MMRN1: variants seen among roughly 807,000 people sequenced by gnomAD.
The protein encoded by MMRN1 is multimerin 1, also known as multimerin-1.
A neutral mutation model predicts 100.7 loss-of-function variants in MMRN1; 94 were observed. The observed-to-expected ratio is 0.93, with a 90% CI of 0.79 to 1.11. MMRN1 has a LOEUF of 1.11. Among genes scored for constraint, MMRN1 ranks in the 50% least tolerant of loss-of-function variants. The pLI is 0.00. For synonymous variants in MMRN1, 575 were observed against 505.0 expected, an observed-to-expected ratio of 1.14 and a Z score of -1.86; for missense variants, 1,606 against 1,439.1, an observed-to-expected ratio of 1.12 and a Z score of -1.88.
intron 1 of MMRN1, among the ~76,000 whole-genome samples, chr4:89,899,988 G>A (rs995390173): frequency 6.6e-6 from 1 of 151,968 alleles, no homozygotes; most frequent in African/African-American, 2.4e-5. Flanking sequence ...TATTGTAAGT[G>A]ACACATTATT....
intron 2 of MMRN1, among the ~76,000 whole-genome samples, chr4:89,910,789 C>T (rs945511601): frequency 1.3e-5 from 2 of 151,354 alleles, no homozygotes; most frequent in African/African-American, 4.8e-5. Flanking sequence ...TTGCAACTGA[C>T]AAATAGCCTC....
chr4:89,932,431 A>C (rs1722470392), intron 5 of MMRN1, among the ~76,000 whole-genome samples: 1 of 152,200 alleles, frequency 6.6e-6, no homozygotes, highest in Non-Finnish European at 1.5e-5. Context: ...CCCTCTTCTC[A>C]CAGCTCCACT....
Position 89,953,248 on chromosome 4 carries a change from G to C in MMRN1, c.3517G>C (p.Glu1173Gln). The change falls in exon 8 of 8, where the codon GAG (glutamate) becomes CAG (glutamine). Residue 1173 changes from glutamate to glutamine, a missense_variant. Glu to Gln is a conservative substitution (Grantham distance 29, BLOSUM62 2). Transcript: ENST00000264790. The stretch of plus-strand genomic sequence containing the variant: ...TGATGGAATAGACAAGCTTGCATTT[G>C]AGTCTGAAAATATTAACAGTGAAAT... ...VVDGIDKLAFESENINSEIHC... is the reference protein window; with the variant it reads ...VVDGIDKLAFQSENINSEIHC... 2.5e-6 allele frequency: 4 copies of C among 1,613,840 alleles called. No individual in the cohort carries two copies. Among genetic ancestry groups the C allele is most frequent in the Middle Eastern group, 1.7e-4 (1 of 6,056 alleles).
At chr4:89,897,189 C>CT (rs1267527465) in intron 1 of MMRN1, among the ~76,000 whole-genome samples, 5 of 151,496 alleles carry the variant, frequency 3.3e-5, no homozygotes, top group African/African-American at 1.2e-4. Context: ...CGATTGTGAG[C>CT]TTTTCAGAGA....
In MMRN1 at chr4:89,900,836, T is replaced by G. The variant is rs139905445; in HGVS notation, c.623+5242T>G. 3.9e-3 allele frequency among the ~76,000 whole-genome samples: 596 copies of G among 152,128 alleles called. 8 individuals are homozygous for G. The highest frequency in any genetic ancestry group is 0.014 in the African/African-American group (574 of 41,538). ...ATGATACTGAAAGAAAGAAGGACCT[T>G]GAATTATGAACGGAGAATCTCTAAT... is the stretch of plus-strand genomic sequence containing the variant. On this transcript the variant is annotated intron_variant, in intron 1 of 7. Coordinates refer to ENST00000264790, the MANE Select transcript of MMRN1 (RefSeq NM_007351.3).
chr4:89,884,845 C>G (rs1023494677), intron 1 of MMRN1, among the ~76,000 whole-genome samples: 1 of 152,152 alleles, frequency 6.6e-6, no homozygotes, highest in Non-Finnish European at 1.5e-5. Flanking sequence ...ATTTTCCTTT[C>G]CAGTCATCCT....
chr4:89,925,091 T>G (rs1578486511), intron 4 of MMRN1, among the ~76,000 whole-genome samples: 1 of 152,012 alleles, frequency 6.6e-6, no homozygotes, highest in African/African-American at 2.4e-5. Context: ...CATTGTGCTA[T>G]TAAATAGTAG....
At chr4:89,941,101 T>C (rs79997699) in intron 6 of MMRN1, among the ~76,000 whole-genome samples, 4,454 of 152,298 alleles carry the variant, frequency 0.029, 202 homozygotes, top group African/African-American at 0.099. Flanking sequence ...TATTATAAAA[T>C]ATTTTCAAAT....
intron 1 of MMRN1, among the ~76,000 whole-genome samples, chr4:89,900,695 ACT>A (rs1404268278): frequency 6.6e-6 from 1 of 151,980 alleles, no homozygotes; most frequent in Non-Finnish European, 1.5e-5. Flanking sequence ...GCTCAATAAA[ACT>A]CTGTAAAATC....
At chr4:89,942,401 A>G (rs182211016) in intron 6 of MMRN1, among the ~76,000 whole-genome samples, 31 of 152,332 alleles carry the variant, frequency 2.0e-4, no homozygotes, top group Middle Eastern at 3.4e-3. Flanking sequence ...GGAAGGTGGC[A>G]GGATTATTAA....
intron 1 of MMRN1, among the ~76,000 whole-genome samples, chr4:89,886,604 A>C (rs1720941711): frequency 6.6e-6 from 1 of 152,126 alleles, no homozygotes. Flanking sequence ...GATTATGTGA[A>C]TATCTGTCTA....
At chr4:89,926,479 G>C (rs1249427236) in intron 4 of MMRN1, among the ~76,000 whole-genome samples, 1 of 151,996 alleles carries the variant, frequency 6.6e-6, no homozygotes, top group Non-Finnish European at 1.5e-5. Context: ...TGGATTATCG[G>C]GTGTTTTCCT....
At chr4:89,951,400 A>T in intron 6 of MMRN1, 1 of 407,146 alleles carries the variant, frequency 2.5e-6, no homozygotes. Context: ...AATTTTGCCC[A>T]CTTTACTGAA....
In MMRN1 at chr4:89,934,940, C is replaced by A; in HGVS notation, c.1260C>A (p.Leu420=). The change falls in exon 6 of 8, where the codon CTC becomes CTA. Residue 420 remains leucine (L), a synonymous_variant. Transcript: ENST00000264790. ...FKTVSSLSED[L]ESTRQIIQKV... ...CTGTATCAAGTCTATCAGAGGACCT[C>A]GAAAGCACCAGGCAAATAATTCAAA... 5 of 1,613,572 alleles carry A rather than the reference C, an allele frequency of 3.1e-6. No individual in the cohort carries two copies. The highest frequency in any genetic ancestry group is 4.2e-6 in the Non-Finnish European group (5 of 1,179,754).
intron 1 of MMRN1, among the ~76,000 whole-genome samples, chr4:89,903,957 T>G (rs889073752): frequency 2.7e-5 from 4 of 150,378 alleles, no homozygotes; most frequent in Non-Finnish European, 5.9e-5. Context: ...CACACCTATG[T>G]GTGCAGTTAA....
chr4:89,894,879 C>G lies in MMRN1; in HGVS notation c.-93C>G, dbSNP rs540304651. On this transcript the variant is annotated 5_prime_UTR_variant, in exon 1 of 8. Transcript: ENST00000264790. Reference sequence around the variant, plus strand: ...ACATCTCAAACTGGCAAAACTCAGTCTTAGCAGATTCAGTGTGGAAGCAGC... The same window carrying G: ...ACATCTCAAACTGGCAAAACTCAGTGTTAGCAGATTCAGTGTGGAAGCAGC... 37 of 1,512,732 alleles carry G rather than the reference C, an allele frequency of 2.4e-5. No homozygotes were observed. The highest frequency in any genetic ancestry group is 3.1e-5 in the Non-Finnish European group (35 of 1,133,866). The allele number at this position is 1,512,732 out of a possible 1,614,324, so 93.7% of individuals were successfully genotyped here.
chr4:89,946,742 G>T (rs1392267086), intron 6 of MMRN1, among the ~76,000 whole-genome samples: 1 of 152,264 alleles, frequency 6.6e-6, no homozygotes, highest in South Asian at 2.1e-4. Flanking sequence ...GTACATTTAT[G>T]AAATATGAAA....
In MMRN1 at chr4:89,912,079, C is replaced by T. The variant is rs747446979; in HGVS notation, c.850+29C>T. 5 of 1,424,106 alleles carry T rather than the reference C, an allele frequency of 3.5e-6. No homozygotes were observed. The African/African-American group carries it at 4.4e-5, about 13-fold the overall frequency. The allele number at this position is 1,424,106 out of a possible 1,614,324, so 88.2% of individuals were successfully genotyped here. ...CACTCTAATATTAATAATCACAATT[C>T]TGAACAATAAGAAACTGATTCTATT... On this transcript the variant is annotated intron_variant, in intron 3 of 7. Coordinates refer to ENST00000264790, the MANE Select transcript of MMRN1 (RefSeq NM_007351.3).
rs775662157 is a variant in MMRN1, at chr4:89,936,643, G to A, written c.2963G>A (p.Arg988Gln). Residue 988 changes from arginine to glutamine, a missense_variant, in exon 6 of 8, where the codon CGA becomes CAA. Physicochemically the swap from Arg to Gln is conservative, Grantham distance 43. Transcript: ENST00000264790. ...ALSNLTCCIDRSLPGSLANVV... is the reference protein window; with the variant it reads ...ALSNLTCCIDQSLPGSLANVV... Reference sequence around the variant, plus strand: ...TCTAATTTAACTTGTTGTATAGATCGATCGTTGCCTGGTAGTCTGGCAAAT... The same window carrying A: ...TCTAATTTAACTTGTTGTATAGATCAATCGTTGCCTGGTAGTCTGGCAAAT... 3.7e-6 allele frequency: 6 copies of A among 1,613,300 alleles called. No individual in the cohort carries two copies. The highest frequency in any genetic ancestry group is 2.7e-5 in the African/African-American group (2 of 74,870).
Sources: gnomAD v4.1 joint callset for allele counts (sites outside exome capture counted in the v4.1 genomes callset) on GRCh38, gnomAD v4.1.1 for gene constraint, MANE v1.5 for transcripts, NCBI Gene and HGNC (gene_info 2026-07-23, HGNC 2026-07-21) for gene names.